Variants in MXRA7 observed in about 807,000 individuals in gnomAD.
MXRA7 encodes the protein matrix-remodeling-associated protein 7.
MXRA7 carries 18 observed loss-of-function variants against 17.4 expected under a neutral mutation model. The ratio of observed to expected loss-of-function variants is 1.03; its 90% CI spans 0.71 to 1.53. The LOEUF (loss-of-function observed/expected upper bound fraction) is 1.53, where lower values mean the gene tolerates loss of function less well. Ranked by LOEUF, MXRA7 falls within the 40% of genes most tolerant of loss-of-function variation. The pLI, the probability that MXRA7 is intolerant of heterozygous loss-of-function variation, is 0.00. For synonymous variants in MXRA7, 70 were observed against 101.7 expected (o/e 0.69, Z 1.87); for missense variants, 141 against 209.3 (o/e 0.67, Z 2.01).
chr17:76,690,810 C>A (rs915373387), intron 1 of MXRA7, among the ~76,000 whole-genome samples: 3 of 151,998 alleles, frequency 2.0e-5, no homozygotes, highest in Non-Finnish European at 2.9e-5. Flanking sequence ...AGGGCTCAAG[C>A]GATCCTCCTG....
chr17:76,706,655 T>A (rs2076665261), intron 1 of MXRA7, among the ~76,000 whole-genome samples: 1 of 151,096 alleles, frequency 6.6e-6, no homozygotes, highest in Non-Finnish European at 1.5e-5. Flanking sequence ...GCAGGGTGAC[T>A]TCAGGGGAAC....
chr17:76,690,576 G>A (rs1234893673), intron 1 of MXRA7, among the ~76,000 whole-genome samples: 1 of 151,838 alleles, frequency 6.6e-6, no homozygotes, highest in East Asian at 1.9e-4. Context: ...TGTGCATGGT[G>A]GCACGCACCT....
Position 76,707,419 on chromosome 17 carries a change from C to A in MXRA7, c.342+3186G>T, listed in dbSNP as rs188850737. ...CTCCTGGGTTCAAGTGATTCTCCTG[C>A]CTCAGTTTCCTGAGTAGATGGGATG... On this transcript the variant is annotated intron_variant, in intron 1 of 3. Coordinates refer to ENST00000449428, the MANE Select transcript of MXRA7 (RefSeq NM_198530.4). Among the ~76,000 whole-genome samples the A allele has an allele frequency of 9.1e-3, 1,362 of 150,418 alleles. 25 individuals carry two copies. Among genetic ancestry groups the A allele is most frequent in the African/African-American group, 0.031 (1,264 of 40,758 alleles).
Position 76,679,703 on chromosome 17 carries a change from TAGG to T in MXRA7, c.*1161_*1163del. ...TCCAGACAAACCTAGATAGCTCTAC[TAGG>T]AGGGAGTCAACGACCTATTGTGTCA... On this transcript the variant is annotated 3_prime_UTR_variant, in exon 4 of 4. Coordinates refer to ENST00000449428, the MANE Select transcript of MXRA7 (RefSeq NM_198530.4). The T allele has an allele frequency of 1.6e-6, 1 of 621,874 alleles. No homozygotes were observed. The highest frequency in any genetic ancestry group is 2.0e-6 in the Non-Finnish European group (1 of 495,170). 38.5% of individuals were successfully genotyped at this position (621,874 alleles called of 1,614,324 possible). A position where few individuals can be genotyped will look rare whatever the true frequency, so the allele number is the denominator to read the frequency against.
intron 3 of MXRA7, among the ~76,000 whole-genome samples, chr17:76,683,570 C>T (rs377211412): frequency 2.1e-4 from 32 of 152,186 alleles, no homozygotes; most frequent in African/African-American, 7.5e-4. Flanking sequence ...CCCAGCCTTG[C>T]GAGGGGGCGC....
rs149943366 is a variant in MXRA7 at position 76,680,395 on chromosome 17, C to T, written c.*472G>A. The T allele has an allele frequency of 1.0e-4, 102 of 985,860 alleles. No homozygotes were observed. In the East Asian group the frequency reaches 9.8e-3, roughly 95 times the overall value. 61.1% of individuals were successfully genotyped at this position (985,860 alleles called of 1,614,324 possible). A position where few individuals can be genotyped will look rare whatever the true frequency, so the allele number is the denominator to read the frequency against. On this transcript the variant is annotated 3_prime_UTR_variant, in exon 4 of 4. Coordinates refer to ENST00000449428, the MANE Select transcript of MXRA7 (RefSeq NM_198530.4). ...GAAAGGGGTCGGCTGACCACCCTGA[C>T]GGAGCTGGTGAGCACAGGTGAGCTC...
intron 1 of MXRA7, among the ~76,000 whole-genome samples, chr17:76,704,678 G>A (rs1396684164): frequency 1.3e-5 from 2 of 151,318 alleles, no homozygotes; most frequent in Admixed American, 6.6e-5. Flanking sequence ...CCAGCTATTT[G>A]GGAGGCTGAG....
At chr17:76,698,615 C>T (rs1372519199) in intron 1 of MXRA7, among the ~76,000 whole-genome samples, 2 of 152,046 alleles carry the variant, frequency 1.3e-5, no homozygotes, top group Non-Finnish European at 2.9e-5. Context: ...CAAACTGTCC[C>T]CCTCTCACTT....
At chr17:76,697,376 C>T (rs932824335) in intron 1 of MXRA7, among the ~76,000 whole-genome samples, 1 of 152,180 alleles carries the variant, frequency 6.6e-6, no homozygotes, top group Admixed American at 6.6e-5. Context: ...GGAAAAGAAA[C>T]GTCTGTTGCT....
intron 1 of MXRA7, among the ~76,000 whole-genome samples, chr17:76,703,087 G>A (rs747684799): frequency 4.6e-5 from 7 of 151,614 alleles, no homozygotes; most frequent in Admixed American, 2.0e-4. Flanking sequence ...ACTGCAGCTT[G>A]GGTGACAGAA....
rs763970523 is a variant in MXRA7, at chr17:76,683,877, A to G, written c.500+1195T>C. ...GGATTTGCAAGAATATTTGTGGCTCAGGACCTAAGGAACTTGCTACAGGGA... is the reference window on the plus strand; with the variant it reads ...GGATTTGCAAGAATATTTGTGGCTCGGGACCTAAGGAACTTGCTACAGGGA... On this transcript the variant is annotated intron_variant, in intron 3 of 3. Transcript: ENST00000449428. 4.3e-6 allele frequency: 7 copies of G among 1,613,968 alleles called. No individual in the cohort carries two copies. In the African/African-American group the frequency reaches 9.3e-5, roughly 22 times the overall value.
chr17:76,673,102 TC>T (rs1324389666), exon 4 of MXRA7: 2 of 152,212 alleles, frequency 1.3e-5, no homozygotes, highest in African/African-American at 4.8e-5. Context: ...ACTGGAATGG[TC>T]CATCAGCACC....
At chr17:76,688,008 AT>A in intron 2 of MXRA7, 104 bp downstream of exon 2, 2 of 570,168 alleles carry the variant, frequency 3.5e-6, no homozygotes, top group Non-Finnish European at 6.4e-6. Flanking sequence ...GTCCCACCCC[AT>A]CCCTCCCCTC....
chr17:76,683,240 T>C lies in MXRA7; in HGVS notation c.500+1832A>G, dbSNP rs181740582. Among the ~76,000 whole-genome samples the C allele has an allele frequency of 3.0e-3, 461 of 152,338 alleles. 3 individuals are homozygous for C. Among genetic ancestry groups the C allele is most frequent in the African/African-American group, 9.7e-3 (404 of 41,582 alleles). On this transcript the variant is annotated intron_variant, in intron 3 of 3. Coordinates refer to ENST00000449428, the MANE Select transcript of MXRA7 (RefSeq NM_198530.4). Reference sequence around the variant, plus strand: ...TACTACTTAGATTTGGGGGGCTGTGTGGTCTCTGCTGCAGTGACTCACCTC... The same window carrying C: ...TACTACTTAGATTTGGGGGGCTGTGCGGTCTCTGCTGCAGTGACTCACCTC...
downstream of MXRA7, among the ~76,000 whole-genome samples, chr17:76,678,260 T>C (rs1053378742): frequency 6.6e-6 from 1 of 152,132 alleles, no homozygotes; most frequent in Admixed American, 6.5e-5. Flanking sequence ...GGGTGCCTTT[T>C]CCTAATTTGC....
chr17:76,683,390 T>C (rs1010881450), intron 3 of MXRA7, among the ~76,000 whole-genome samples: 4 of 152,164 alleles, frequency 2.6e-5, no homozygotes, highest in African/African-American at 9.7e-5. Context: ...TGCTAACCCT[T>C]GCCCTGATCC....
chr17:76,707,772 G>A (rs2076678345), intron 1 of MXRA7, among the ~76,000 whole-genome samples: 1 of 152,180 alleles, frequency 6.6e-6, no homozygotes, highest in Non-Finnish European at 1.5e-5. Flanking sequence ...AAGTCCATTA[G>A]GTAAGAGGCC....
Position 76,685,167 on chromosome 17 carries a change from T to A in MXRA7, c.407-2A>T, listed in dbSNP as rs1370928229. 11 of 1,612,914 alleles carry A rather than the reference T, an allele frequency of 6.8e-6. No individual in the cohort carries two copies. In the South Asian group the frequency reaches 1.1e-4, roughly 16 times the overall value. On this transcript the variant is annotated splice_acceptor_variant, in intron 2 of 3. Transcript: ENST00000449428. LOFTEE classifies it high-confidence loss of function. ...TGTATTTGAAGGAGAAGCCTTCTCCTGTGGAGGGGGGACCCAGTAAGTGCC... is the reference window on the plus strand; with the variant it reads ...TGTATTTGAAGGAGAAGCCTTCTCCAGTGGAGGGGGGACCCAGTAAGTGCC...
intron 1 of MXRA7, among the ~76,000 whole-genome samples, chr17:76,700,823 G>T (rs1227804916): frequency 2.0e-5 from 3 of 152,218 alleles, no homozygotes; most frequent in Non-Finnish European, 1.5e-5. Flanking sequence ...GAGAGAGTGG[G>T]CGGGCGGCAG....
Sources: allele counts gnomAD v4.1 joint callset (sites outside exome capture counted in the v4.1 genomes callset), GRCh38; gene constraint gnomAD v4.1.1; transcripts MANE v1.5; gene names NCBI Gene and HGNC (gene_info 2026-07-23, HGNC 2026-07-21).